TGFB2: variants seen among roughly 807,000 people sequenced by gnomAD.
TGFB2 encodes transforming growth factor beta 2.
TGFB2 carries 13 observed loss-of-function variants against 42.7 expected under a neutral mutation model. The observed-to-expected ratio is 0.30, with a 90% CI of 0.20 to 0.48. The LOEUF is 0.48. TGFB2 is among the 20% of genes least tolerant of loss of function. The pLI, the probability that TGFB2 is intolerant of heterozygous loss-of-function variation, is 0.99. For synonymous variants in TGFB2, 193 were observed against 193.6 expected, an observed-to-expected ratio of 1.00 and a Z score of 0.03; for missense variants, 390 against 517.5, an observed-to-expected ratio of 0.75 and a Z score of 2.39.
intron 1 of TGFB2, among the ~76,000 whole-genome samples, chr1:218,367,829 G>A (rs902789818): frequency 1.3e-5 from 2 of 151,980 alleles, no homozygotes; most frequent in African/African-American, 2.4e-5. Flanking sequence ...ATGGAGTCTC[G>A]CTCCTCGCTC....
chr1:218,394,007 C>T (rs576818937), intron 1 of TGFB2, among the ~76,000 whole-genome samples: 46 of 151,544 alleles, frequency 3.0e-4, no homozygotes, highest in African/African-American at 1.1e-3. Context: ...CCCGGGTTAA[C>T]GCCATTCTCC....
At position 218,441,419 on chromosome 1, in the gene TGFB2, G is replaced by T; in HGVS notation, c.*57G>T. 6.5e-6 allele frequency: 10 copies of T among 1,526,786 alleles called. No homozygotes were observed. The highest frequency in any genetic ancestry group is 7.9e-6 in the Non-Finnish European group (9 of 1,135,426). 94.6% of individuals were successfully genotyped at this position (1,526,786 alleles called of 1,614,324 possible). On this transcript the variant is annotated 3_prime_UTR_variant, in exon 7 of 7. Transcript: ENST00000366930. ...CAATGATGATGATAATGATGATGAC[G>T]ACGACAACGATGATGCTTGTAACAA...
chr1:218,374,430 T>C (rs1259948837), intron 1 of TGFB2, among the ~76,000 whole-genome samples: 1 of 152,184 alleles, frequency 6.6e-6, no homozygotes, highest in Non-Finnish European at 1.5e-5. Flanking sequence ...AAGGACTTCT[T>C]GGGAAAGGAG....
At chr1:218,397,586 T>C (rs905093587) in intron 1 of TGFB2, among the ~76,000 whole-genome samples, 6 of 151,026 alleles carry the variant, frequency 4.0e-5, no homozygotes, top group African/African-American at 1.5e-4. Flanking sequence ...AAAAAAAGTT[T>C]AGGTGCTCCT....
chr1:218,395,301 A>G (rs1658466214), intron 1 of TGFB2, among the ~76,000 whole-genome samples: 1 of 152,222 alleles, frequency 6.6e-6, no homozygotes, highest in African/African-American at 2.4e-5. Context: ...GCGTTCTCTT[A>G]GGGAGTATCC....
chr1:218,435,722 A>G (rs1458487705), intron 4 of TGFB2, among the ~76,000 whole-genome samples: 2 of 152,188 alleles, frequency 1.3e-5, no homozygotes, highest in African/African-American at 4.8e-5. Flanking sequence ...TTTCATAACC[A>G]ACAGCCCTGG....
rs1183873092 is a variant in TGFB2 at position 218,441,336 on chromosome 1, A to G, written c.1219A>G (p.Ile407Val). Residue 407 changes from isoleucine (I) to valine (V), a missense_variant, in exon 7 of 7, where the codon ATT (isoleucine) becomes GTT (valine). Transcript: ENST00000366930. Reference protein sequence around the residue: ...TPKIEQLSNMIVKSCKCS With the variant: ...TPKIEQLSNMVVKSCKCS ...CAAGATTGAACAGCTTTCTAATATG[A>G]TTGTAAAGTCTTGCAAATGCAGCTA... 7.5e-6 allele frequency: 12 copies of G among 1,607,560 alleles called. No individual in the cohort carries two copies. Among genetic ancestry groups the G allele is most frequent in the Non-Finnish European group, 9.3e-6 (11 of 1,178,624 alleles).
intron 2 of TGFB2, among the ~76,000 whole-genome samples, chr1:218,409,290 C>T (rs558420577): frequency 1.3e-5 from 2 of 152,196 alleles, no homozygotes; most frequent in African/African-American, 4.8e-5. Flanking sequence ...ATCACAGTAA[C>T]GCTATCTCAG....
At chr1:218,416,212 T>C (rs1659273994) in intron 2 of TGFB2, among the ~76,000 whole-genome samples, 1 of 152,124 alleles carries the variant, frequency 6.6e-6, no homozygotes, top group Non-Finnish European at 1.5e-5. Context: ...TCATCTCCTG[T>C]CTTGTTACTA....
At chr1:218,381,830 G>A (rs1028432922) in intron 1 of TGFB2, among the ~76,000 whole-genome samples, 6 of 151,048 alleles carry the variant, frequency 4.0e-5, no homozygotes, top group Non-Finnish European at 7.4e-5. Flanking sequence ...TGTGTGTGTA[G>A]GGGTGTGTGT....
chr1:218,432,492 A>G (rs1659838392), intron 2 of TGFB2, among the ~76,000 whole-genome samples: 1 of 152,178 alleles, frequency 6.6e-6, no homozygotes, highest in South Asian at 2.1e-4. Context: ...TTAATCCAGA[A>G]AAAAGTCTAC....
intron 1 of TGFB2, among the ~76,000 whole-genome samples, chr1:218,404,655 T>C (rs917873928): frequency 6.6e-6 from 1 of 152,230 alleles, no homozygotes; most frequent in Non-Finnish European, 1.5e-5. Context: ...TTAAGTCATA[T>C]GTGTGTGAAA....
In TGFB2 at chr1:218,437,587, G is replaced by A. The variant is rs994347145; in HGVS notation, c.1086+91G>A. On this transcript the variant is annotated intron_variant, in intron 6 of 6. Transcript: ENST00000366930. ...CCAAATGAGTTGTAATTAACCTCGT[G>A]CTGTCTTACCATCACACATGTATGG... is the stretch of plus-strand genomic sequence containing the variant. 98 of 1,375,676 alleles carry A rather than the reference G, an allele frequency of 7.1e-5. No individual in the cohort carries two copies. In the African/African-American group the frequency reaches 1.3e-3, roughly 19 times the overall value. 85.2% of individuals were successfully genotyped at this position (1,375,676 alleles called of 1,614,324 possible). A position where few individuals can be genotyped will look rare whatever the true frequency, so the allele number is the denominator to read the frequency against.
intron 2 of TGFB2, among the ~76,000 whole-genome samples, chr1:218,424,858 C>G (rs1659570057): frequency 6.6e-6 from 1 of 152,194 alleles, no homozygotes; most frequent in Non-Finnish European, 1.5e-5. Context: ...AATAGCTACT[C>G]CCCTCTTCAC....
intron 1 of TGFB2, among the ~76,000 whole-genome samples, chr1:218,377,544 G>A (rs544908209): frequency 4.1e-4 from 63 of 152,178 alleles, no homozygotes; most frequent in Admixed American, 6.5e-4. Flanking sequence ...CCCCAAATCA[G>A]CACTATGATT....
intron 1 of TGFB2, among the ~76,000 whole-genome samples, chr1:218,372,083 A>T (rs1006826281): frequency 7.2e-5 from 11 of 151,924 alleles, no homozygotes; most frequent in African/African-American, 2.7e-4. Context: ...ATAAATAATT[A>T]TCTCCACAGC....
rs1558220033 is a variant in TGFB2, at chr1:218,346,826, G to A, written c.125G>A (p.Gly42Glu). The A allele has an allele frequency of 6.2e-7, 1 of 1,614,132 alleles. No homozygotes were observed. The highest frequency in any genetic ancestry group is 1.1e-5 in the South Asian group (1 of 91,074). ...FMRKRIEAIR[G>E]QILSKLKLTS... Reference sequence around the variant, plus strand: ...CGCAAGAGGATCGAGGCGATCCGCGGGCAGATCCTGAGCAAGCTGAAGCTC... The same window carrying A: ...CGCAAGAGGATCGAGGCGATCCGCGAGCAGATCCTGAGCAAGCTGAAGCTC... Residue 42 changes from glycine (G) to glutamate (E), a missense_variant, in exon 1 of 7, where the codon GGG becomes GAG. Transcript: ENST00000366930. The surrounding 1 kb of genome is among the most constrained non-coding windows in gnomAD (Gnocchi z 4.9).
intron 1 of TGFB2, among the ~76,000 whole-genome samples, chr1:218,376,272 A>G (rs1213196489): frequency 6.6e-6 from 1 of 152,250 alleles, no homozygotes; most frequent in African/African-American, 2.4e-5. Context: ...CTTGCATGAA[A>G]GGACAATGTG....
intron 2 of TGFB2, among the ~76,000 whole-genome samples, chr1:218,433,099 C>A (rs995123194): frequency 2.6e-5 from 4 of 152,074 alleles, no homozygotes; most frequent in Non-Finnish European, 4.4e-5. Flanking sequence ...GAGGCAATCC[C>A]ACTCTGTCAC....
Sources: allele counts gnomAD v4.1 joint callset (sites outside exome capture counted in the v4.1 genomes callset), GRCh38; gene constraint gnomAD v4.1.1; non-coding constraint Gnocchi (gnomAD v3.1); transcripts MANE v1.5; gene names NCBI Gene and HGNC (gene_info 2026-07-23, HGNC 2026-07-21).